Variants in CTXND2 observed in about 807,000 individuals in gnomAD.
CTXND2 encodes the protein cortexin domain containing 2.
At chr1:150,907,855 A>G (rs1460072846) in intron 1 of CTXND2, among the ~76,000 whole-genome samples, 1 of 151,798 alleles carries the variant, frequency 6.6e-6, no homozygotes, top group East Asian at 1.9e-4. Flanking sequence ...GACTACAGGC[A>G]CCTGCCACCA....
intron 1 of CTXND2, among the ~76,000 whole-genome samples, chr1:150,907,983 A>G (rs1192308593): frequency 1.3e-5 from 2 of 150,686 alleles, no homozygotes; most frequent in Non-Finnish European, 2.9e-5. Context: ...TGCTGGGATT[A>G]CAGGCGTGAG....
chr1:150,893,609 C>T (rs1202521586), intron 1 of CTXND2, among the ~76,000 whole-genome samples: 1 of 152,148 alleles, frequency 6.6e-6, no homozygotes. Context: ...CAGACATGCA[C>T]CATCTTGCCT....
At chr1:150,887,579 A>G (rs12409208) in intron 1 of CTXND2, among the ~76,000 whole-genome samples, 54,022 of 151,912 alleles carry the variant, frequency 0.36, 10,006 homozygotes, top group South Asian at 0.54. Flanking sequence ...CTTTTTACGA[A>G]AAGTTAAACT....
In CTXND2 at chr1:150,890,455, G is replaced by C. The variant is rs183858436; in HGVS notation, c.-74+3142G>C. 1.0e-3 allele frequency among the ~76,000 whole-genome samples: 152 copies of C among 152,178 alleles called. 1 individual carries two copies. The highest frequency in any genetic ancestry group is 1.2e-3 in the Non-Finnish European group (80 of 68,008). ...GGCTTTACAGGAATGATTAGAAGGT[G>C]GTACAAGATGACCTTTAAAGTTTCC... On this transcript the variant is annotated intron_variant, in intron 1 of 1. Coordinates refer to ENST00000636087, the Ensembl canonical transcript of CTXND2.
intron 1 of CTXND2, among the ~76,000 whole-genome samples, chr1:150,891,211 C>CTTT (rs71090104): frequency 3.4e-5 from 5 of 148,144 alleles, no homozygotes; most frequent in Non-Finnish European, 4.5e-5. Context: ...TCTTTTCTTT[C>CTTT]TTTTTTTTTT....
chr1:150,900,810 C>T (rs1392654805), intron 1 of CTXND2, among the ~76,000 whole-genome samples: 1 of 151,996 alleles, frequency 6.6e-6, no homozygotes, highest in Non-Finnish European at 1.5e-5. Context: ...ATGAACAGAC[C>T]ATTTACATAA....
At chr1:150,888,858 C>G (rs1445342720) in intron 1 of CTXND2, among the ~76,000 whole-genome samples, 2 of 151,738 alleles carry the variant, frequency 1.3e-5, no homozygotes, top group Non-Finnish European at 2.9e-5. Context: ...CCACGCCAGG[C>G]TAATTTGATT....
At chr1:150,901,582 G>A (rs1669032460) in intron 1 of CTXND2, among the ~76,000 whole-genome samples, 1 of 152,174 alleles carries the variant, frequency 6.6e-6, no homozygotes, top group African/African-American at 2.4e-5. Flanking sequence ...GTCTAGAAAT[G>A]TATCTGTGAC....
intron 1 of CTXND2, among the ~76,000 whole-genome samples, chr1:150,898,653 A>G (rs1442892994): frequency 6.6e-6 from 1 of 151,184 alleles, no homozygotes; most frequent in African/African-American, 2.4e-5. Flanking sequence ...CTACTCAGGA[A>G]ACTGAGGCAG....
chr1:150,898,119 A>T (rs1668933281), intron 1 of CTXND2, among the ~76,000 whole-genome samples: 1 of 151,426 alleles, frequency 6.6e-6, no homozygotes, highest in African/African-American at 2.4e-5. Flanking sequence ...GGGCTCAAGC[A>T]ATCCTCCCAA....
At chr1:150,900,113 T>G (rs946340061) in intron 1 of CTXND2, among the ~76,000 whole-genome samples, 1 of 151,874 alleles carries the variant, frequency 6.6e-6, no homozygotes, top group Non-Finnish European at 1.5e-5. Context: ...CTTTCCACCG[T>G]GTGGAGGCTG....
chr1:150,901,076 C>T (rs1669016620), intron 1 of CTXND2, among the ~76,000 whole-genome samples: 1 of 152,180 alleles, frequency 6.6e-6, no homozygotes, highest in Non-Finnish European at 1.5e-5. Flanking sequence ...CATGCCACTG[C>T]ACTCCAGCCT....
intron 1 of CTXND2, among the ~76,000 whole-genome samples, chr1:150,898,799 C>T (rs1340517497): frequency 6.7e-5 from 10 of 149,096 alleles, no homozygotes; most frequent in East Asian, 1.9e-4. Flanking sequence ...GCGGGGGGCC[C>T]GGGCACGGTG....
chr1:150,889,797 G>A (rs1668824990), intron 1 of CTXND2, among the ~76,000 whole-genome samples: 1 of 152,040 alleles, frequency 6.6e-6, no homozygotes, highest in African/African-American at 2.4e-5. Flanking sequence ...CACCGATAGA[G>A]ATTCATATTA....
chr1:150,901,482 T>G (rs1669030492), intron 1 of CTXND2, among the ~76,000 whole-genome samples: 2 of 152,226 alleles, frequency 1.3e-5, no homozygotes, highest in African/African-American at 4.8e-5. Flanking sequence ...TCACATGTTA[T>G]GATTTCAAAA....
chr1:150,899,093 G>A (rs975195975), intron 1 of CTXND2, among the ~76,000 whole-genome samples: 42 of 139,614 alleles, frequency 3.0e-4, no homozygotes, highest in African/African-American at 1.1e-3. Flanking sequence ...GCAAGACTCC[G>A]TCTCAAATAA....
intron 1 of CTXND2, among the ~76,000 whole-genome samples, chr1:150,910,162 A>G (rs1226193322): frequency 8.4e-6 from 1 of 119,632 alleles, no homozygotes; most frequent in Non-Finnish European, 1.6e-5. Flanking sequence ...ACGGGTCTCC[A>G]TCTGTCACCC....
At chr1:150,900,592 CAGCTG>C (rs1462287360) in intron 1 of CTXND2, among the ~76,000 whole-genome samples, 1 of 152,032 alleles carries the variant, frequency 6.6e-6, no homozygotes. Flanking sequence ...AGGTTACAGT[CAGCTG>C]AGATTGCTCC....
chr1:150,902,296 A>C (rs1465295588), intron 1 of CTXND2, among the ~76,000 whole-genome samples: 1 of 151,688 alleles, frequency 6.6e-6, no homozygotes, highest in Non-Finnish European at 1.5e-5. Context: ...AGTCCCAGCT[A>C]CTCGGGAGGC....
Sources: gnomAD v4.1 joint callset for allele counts (sites outside exome capture counted in the v4.1 genomes callset) on GRCh38, gnomAD v4.1.1 for gene constraint, MANE v1.5 for transcripts, NCBI Gene and HGNC (gene_info 2026-07-23, HGNC 2026-07-21) for gene names.